The following GIGYF2 variants were observed in gnomAD, a reference collection of about 807,000 sequenced individuals.
GIGYF2 encodes the protein GRB10-interacting GYF protein 2.
A neutral mutation model predicts 208.1 loss-of-function variants in GIGYF2; 25 were observed. The ratio of observed to expected loss-of-function variants is 0.12; its 90% CI spans 0.09 to 0.17. GIGYF2 has a LOEUF of 0.17. Among genes scored for constraint, GIGYF2 ranks in the 10% least tolerant of loss-of-function variants. The pLI, the probability that GIGYF2 is intolerant of heterozygous loss-of-function variation, is 1.00. For synonymous variants in GIGYF2, 534 were observed against 543.8 expected, an observed-to-expected ratio of 0.98 and a Z score of 0.25; for missense variants, 1,302 against 1,579.4, an observed-to-expected ratio of 0.82 and a Z score of 2.98.
At chr2:232,809,619 G>T in intron 15 of GIGYF2, 101 bp from the exon 16 acceptor site, 1 of 764,338 alleles carries the variant, frequency 1.3e-6, no homozygotes, top group Admixed American at 1.8e-5. Flanking sequence ...GGGAGGTAAA[G>T]GTCTTAGATT....
intron 8 of GIGYF2, among the ~76,000 whole-genome samples, chr2:232,775,361 G>T (rs527703652): frequency 6.6e-6 from 1 of 152,252 alleles, no homozygotes; most frequent in East Asian, 1.9e-4. Flanking sequence ...AGGGAATTAT[G>T]ATAATAAGAT....
chr2:232,834,556 G>T (rs1701522104), intron 22 of GIGYF2, among the ~76,000 whole-genome samples: 1 of 152,116 alleles, frequency 6.6e-6, no homozygotes, highest in Non-Finnish European at 1.5e-5. Context: ...AGAATTCATG[G>T]TGCTTCCTGG....
chr2:232,759,069 A>G (rs1246404982), intron 6 of GIGYF2, among the ~76,000 whole-genome samples: 2 of 152,166 alleles, frequency 1.3e-5, no homozygotes, highest in Non-Finnish European at 2.9e-5. Flanking sequence ...GAGGGTATCC[A>G]TTGTTTCTAA....
At chr2:232,748,239 A>T (rs943892434) in intron 4 of GIGYF2, among the ~76,000 whole-genome samples, 22 of 152,202 alleles carry the variant, frequency 1.4e-4, no homozygotes, top group Non-Finnish European at 8.8e-5. Flanking sequence ...TATGACTTTT[A>T]TCTTACTCAC....
At chr2:232,835,870 G>T (rs1326596207) in intron 22 of GIGYF2, among the ~76,000 whole-genome samples, 2 of 151,956 alleles carry the variant, frequency 1.3e-5, no homozygotes, top group South Asian at 4.2e-4. Context: ...CCCATTTCCC[G>T]TTTGCCCTGA....
chr2:232,812,794 A>G (rs1700773911), intron 18 of GIGYF2, among the ~76,000 whole-genome samples: 1 of 152,140 alleles, frequency 6.6e-6, no homozygotes, highest in South Asian at 2.1e-4. Context: ...GATCGGGAAA[A>G]AAAGCATACA....
At chr2:232,824,819 T>C (rs528766713) in intron 21 of GIGYF2, among the ~76,000 whole-genome samples, 1 of 152,310 alleles carries the variant, frequency 6.6e-6, no homozygotes, top group East Asian at 1.9e-4. Flanking sequence ...AGTGCGTGGC[T>C]TCAAAGCTTT....
At position 232,819,961 on chromosome 2, in the gene GIGYF2, G is replaced by A; in HGVS notation, c.2505G>A (p.Lys835=). 6.2e-7 allele frequency: 1 copy of A among 1,610,580 alleles called. No homozygotes were observed. Among genetic ancestry groups the A allele is most frequent in the Non-Finnish European group, 8.5e-7 (1 of 1,176,854 alleles). The part of the protein sequence containing the change: ...ERRREEEERR[K]QEELLRKQEE... ...GAAGAGAAGAGGAAGAAAGGCGGAAGCAGGAAGAATTGTTACGCAAACAGG... is the reference window on the plus strand; with the variant it reads ...GAAGAGAAGAGGAAGAAAGGCGGAAACAGGAAGAATTGTTACGCAAACAGG... The change falls in exon 21 of 29, where the codon AAG becomes AAA. Residue 835 remains lysine (K), a synonymous_variant. Coordinates refer to ENST00000373563, the MANE Select transcript of GIGYF2 (RefSeq NM_001103146.3).
rs770808891 is a variant in GIGYF2 at position 232,790,799 on chromosome 2, C to T, written c.814C>T (p.Arg272Cys). The T allele has an allele frequency of 4.3e-6, 7 of 1,613,810 alleles. No individual in the cohort carries two copies. Among genetic ancestry groups the T allele is most frequent in the Admixed American group, 3.3e-5 (2 of 59,988 alleles). ...RDDERGYRRVRSGSGSIDDDR... is the reference protein window; with the variant it reads ...RDDERGYRRVCSGSGSIDDDR... ...TGATGAACGGGGTTACCGAAGGGTT[C>T]GCTCTGGCAGTGGGAGCATAGATGA... The change falls in exon 10 of 29, where the codon CGC becomes TGC. Residue 272 changes from arginine to cysteine, a missense_variant. By Grantham distance (180) the Arg-to-Cys change is radical. Transcript: ENST00000373563.
At chr2:232,716,268 C>G (rs1696672180) in intron 2 of GIGYF2, among the ~76,000 whole-genome samples, 1 of 151,328 alleles carries the variant, frequency 6.6e-6, no homozygotes, top group Admixed American at 6.6e-5. Context: ...GATCTACATT[C>G]TTTTAGCCTA....
rs750588594 is a variant in GIGYF2 at position 232,845,745 on chromosome 2, G to T, written c.3319G>T (p.Val1107Leu). 1.2e-6 allele frequency: 2 copies of T among 1,600,942 alleles called. No individual in the cohort carries two copies. The highest frequency in any genetic ancestry group is 2.7e-5 in the African/African-American group (2 of 74,628). ...GTTTTGCTTTAGTAAATCTGTAGGT[G>T]TGTCTAACCGGCAGAATAAGAAAGT... is the stretch of plus-strand genomic sequence containing the variant. ...NNASLSKSVG[V>L]SNRQNKKVEE... Residue 1107 changes from valine to leucine, a missense_variant, in exon 26 of 29, where the codon GTG (valine) becomes TTG (leucine). Transcript: ENST00000373563.
At chr2:232,844,321 C>A in intron 24 of GIGYF2, 48 bp from the exon 25 acceptor site, 4 of 1,612,102 alleles carry the variant, frequency 2.5e-6, no homozygotes, top group Non-Finnish European at 3.4e-6. Context: ...GTCTTCTTAT[C>A]TTTTTAACAT....
intron 8 of GIGYF2, among the ~76,000 whole-genome samples, chr2:232,773,969 T>C (rs190794648): frequency 6.6e-6 from 1 of 150,786 alleles, no homozygotes; most frequent in East Asian, 2.0e-4. Flanking sequence ...GTATCACTAT[T>C]AGTCCCATTT....
chr2:232,717,065 C>T (rs1173464546), intron 2 of GIGYF2, among the ~76,000 whole-genome samples: 3 of 151,898 alleles, frequency 2.0e-5, no homozygotes, highest in Non-Finnish European at 2.9e-5. Context: ...CCAGCTGCCT[C>T]GGCTTCCCAA....
At chr2:232,841,318 CTG>C (rs1353461653) in intron 23 of GIGYF2, among the ~76,000 whole-genome samples, 2 of 152,016 alleles carry the variant, frequency 1.3e-5, no homozygotes, top group Non-Finnish European at 1.5e-5. Flanking sequence ...CTTTTAGAGA[CTG>C]AGGCTCGCTC....
chr2:232,842,810 A>G (rs1701859233), intron 23 of GIGYF2: 1 of 152,184 alleles, frequency 6.6e-6, no homozygotes, highest in Non-Finnish European at 1.5e-5. Context: ...CCCACAGGAT[A>G]ATGTGCCAGT....
At chr2:232,814,317 C>G (rs1383915787) in intron 18 of GIGYF2, among the ~76,000 whole-genome samples, 1 of 151,982 alleles carries the variant, frequency 6.6e-6, no homozygotes, top group African/African-American at 2.4e-5. Flanking sequence ...AATCCCAGCA[C>G]TTTGGGAGGC....
At chr2:232,809,664 T>G (rs1307637357) in intron 15 of GIGYF2, 56 bp from the exon 16 acceptor site, 3 of 1,006,228 alleles carry the variant, frequency 3.0e-6, no homozygotes, top group Non-Finnish European at 4.8e-6. Flanking sequence ...TAAGTGGCTT[T>G]TAGGTTCTTT....
chr2:232,702,239 G>A (rs1319824707), intron 1 of GIGYF2, among the ~76,000 whole-genome samples: 1 of 152,006 alleles, frequency 6.6e-6, no homozygotes, highest in Non-Finnish European at 1.5e-5. Flanking sequence ...AGGAATTTGA[G>A]ACCAGCCTGG....
Sources: allele counts gnomAD v4.1 joint callset (sites outside exome capture counted in the v4.1 genomes callset), GRCh38; gene constraint gnomAD v4.1.1; transcripts MANE v1.5; gene names NCBI Gene and HGNC (gene_info 2026-07-23, HGNC 2026-07-21).